RHBDL2: variants seen among roughly 807,000 people sequenced by gnomAD.
RHBDL2 encodes rhomboid like 2, also known as rhomboid-related protein 2.
Under a neutral mutation model 31.7 loss-of-function variants are expected in RHBDL2, and 26 were observed. The ratio of observed to expected loss-of-function variants is 0.82; its 90% CI spans 0.60 to 1.14. RHBDL2 has a LOEUF of 1.14. RHBDL2 is among the 50% of genes most tolerant of loss of function. The pLI is 0.00. For synonymous variants in RHBDL2, 123 were observed against 127.2 expected (o/e 0.97, Z 0.22); for missense variants, 336 against 364.4 (o/e 0.92, Z 0.63).
chr1:38,920,829 A>C (rs1431980472), intron 1 of RHBDL2, among the ~76,000 whole-genome samples: 1 of 147,054 alleles, frequency 6.8e-6, no homozygotes, highest in African/African-American at 2.5e-5. Context: ...GTTAGCCAGG[A>C]TGGTCTCGAT....
At chr1:38,931,057 C>T (rs1643434094) in intron 1 of RHBDL2, among the ~76,000 whole-genome samples, 2 of 152,206 alleles carry the variant, frequency 1.3e-5, no homozygotes, top group African/African-American at 2.4e-5. Flanking sequence ...CCTGGCCTCA[C>T]ATCAGAATCA....
chr1:38,898,648 A>G (rs968999804), intron 4 of RHBDL2, among the ~76,000 whole-genome samples: 1 of 152,214 alleles, frequency 6.6e-6, no homozygotes, highest in Non-Finnish European at 1.5e-5. Context: ...ACAGCGCATG[A>G]AGCAGGAACC....
chr1:38,906,390 A>G (rs1000673089), intron 4 of RHBDL2, among the ~76,000 whole-genome samples: 1 of 152,026 alleles, frequency 6.6e-6, no homozygotes, highest in Non-Finnish European at 1.5e-5. Context: ...AATAACATGC[A>G]CAGGCCGGGC....
chr1:38,930,846 T>G (rs1201224316), intron 1 of RHBDL2, among the ~76,000 whole-genome samples: 1 of 152,214 alleles, frequency 6.6e-6, no homozygotes, highest in Non-Finnish European at 1.5e-5. Flanking sequence ...GTAGAATTTT[T>G]TTTTCAATAG....
chr1:38,919,789 G>A (rs1016094906), intron 1 of RHBDL2, among the ~76,000 whole-genome samples: 10 of 151,942 alleles, frequency 6.6e-5, no homozygotes, highest in African/African-American at 2.4e-4. Flanking sequence ...GGCCAGGCTG[G>A]TCTCGAACTC....
intron 1 of RHBDL2, among the ~76,000 whole-genome samples, chr1:38,922,235 G>T (rs1422480885): frequency 6.6e-6 from 1 of 150,406 alleles, no homozygotes; most frequent in Non-Finnish European, 1.5e-5. Context: ...CACCAAATGA[G>T]CACATTACTA....
intron 6 of RHBDL2, among the ~76,000 whole-genome samples, chr1:38,889,713 T>C (rs186714422): frequency 1.0e-3 from 156 of 152,342 alleles, no homozygotes; most frequent in African/African-American, 3.6e-3. Context: ...CAAAAGGAGC[T>C]TCCGACTTCT....
At position 38,908,610 on chromosome 1, in the gene RHBDL2, G is replaced by A. The variant is rs142507611; in HGVS notation, c.508+2712C>T. On this transcript the variant is annotated intron_variant, in intron 4 of 7. Coordinates refer to ENST00000372990, the MANE Select transcript of RHBDL2 (RefSeq NM_017821.5). ...CCCTTGTCCCCCTCGCAGGGCGTGC[G>A]ATGGGGGTGTTGTTCGCTTCTTCAG... is the stretch of plus-strand genomic sequence containing the variant. 4.3e-3 allele frequency among the ~76,000 whole-genome samples: 656 copies of A among 151,752 alleles called. 7 individuals are homozygous for A. Among genetic ancestry groups the A allele is most frequent in the African/African-American group, 0.015 (618 of 41,328 alleles).
chr1:38,891,260 C>CAAAAA (rs11445131), intron 6 of RHBDL2, among the ~76,000 whole-genome samples: 135 of 78,370 alleles, frequency 1.7e-3, no homozygotes, highest in Non-Finnish European at 2.2e-3. Context: ...GACTCCGTCT[C>CAAAAA]AAAAAAAAAA....
Position 38,929,786 on chromosome 1 carries a change from C to T in RHBDL2, c.-125-10449G>A, listed in dbSNP as rs144161326. ...GAGCTTAGCAGCCTCCTTCATCACA[C>T]TGCAAACCATCATTATGCCAGAGGC... On this transcript the variant is annotated intron_variant, in intron 1 of 7. Transcript: ENST00000372990. Among the ~76,000 whole-genome samples, 144 of 152,296 alleles carry T rather than the reference C, an allele frequency of 9.5e-4. 1 individual carries two copies. The highest frequency in any genetic ancestry group is 3.3e-3 in the African/African-American group (138 of 41,558).
Position 38,933,759 on chromosome 1 carries a change from C to T in RHBDL2, c.-126+7923G>A, listed in dbSNP as rs538878908. On this transcript the variant is annotated intron_variant, in intron 1 of 7. Coordinates refer to ENST00000372990, the MANE Select transcript of RHBDL2 (RefSeq NM_017821.5). ...TTTTTTTTTTTTTGAGACAGAGTCT[C>T]GCTCTGTTGCCCAGGCTGGAGTGCA... 4.7e-5 allele frequency among the ~76,000 whole-genome samples: 7 copies of T among 149,402 alleles called. No homozygotes were observed. In the East Asian group the frequency reaches 9.9e-4, roughly 21 times the overall value.
At chr1:38,929,592 G>C in intron 1 of RHBDL2, 2 of 1,280,196 alleles carry the variant, frequency 1.6e-6, no homozygotes, top group Non-Finnish European at 2.0e-6. Flanking sequence ...GCAGGCCCCT[G>C]CCGGGGCTGA....
intron 4 of RHBDL2, among the ~76,000 whole-genome samples, chr1:38,909,323 C>G (rs2124322877): frequency 6.6e-6 from 1 of 152,284 alleles, no homozygotes; most frequent in East Asian, 1.9e-4. Context: ...CCCTTCCACC[C>G]TTCCGTATCA....
chr1:38,927,438 A>G (rs1643391215), intron 1 of RHBDL2, among the ~76,000 whole-genome samples: 1 of 152,130 alleles, frequency 6.6e-6, no homozygotes, highest in Admixed American at 6.6e-5. Flanking sequence ...AAAAAAAAGA[A>G]AAGAAAAGAG....
At chr1:38,929,232 G>C (rs900126319) in intron 1 of RHBDL2, among the ~76,000 whole-genome samples, 1 of 152,108 alleles carries the variant, frequency 6.6e-6, no homozygotes, top group Admixed American at 6.5e-5. Context: ...ATTCCCGAAC[G>C]GAAGCTGTAG....
rs535401628 is a variant in RHBDL2, at chr1:38,891,311, C to G, written c.670+1853G>C. On this transcript the variant is annotated intron_variant, in intron 6 of 7. Coordinates refer to ENST00000372990, the MANE Select transcript of RHBDL2 (RefSeq NM_017821.5). ...AATATTTACAACTTTATACACATTA[C>G]ATATTACATATTACAAAATTATATA... Among the ~76,000 whole-genome samples, 3 of 148,680 alleles carry G rather than the reference C, an allele frequency of 2.0e-5. No individual in the cohort carries two copies. The South Asian group carries it at 6.5e-4, about 32-fold the overall frequency.
chr1:38,921,239 G>A (rs1166622380), intron 1 of RHBDL2, among the ~76,000 whole-genome samples: 3 of 152,130 alleles, frequency 2.0e-5, no homozygotes, highest in Non-Finnish European at 2.9e-5. Flanking sequence ...AAAATTAGCT[G>A]GGCATAGTGG....
intron 2 of RHBDL2, among the ~76,000 whole-genome samples, chr1:38,916,056 C>G (rs908762830): frequency 6.6e-6 from 1 of 152,192 alleles, no homozygotes; most frequent in Non-Finnish European, 1.5e-5. Context: ...ACTGATCTTT[C>G]ATTTACAACT....
intron 4 of RHBDL2, among the ~76,000 whole-genome samples, chr1:38,903,578 C>A (rs1272227461): frequency 6.6e-6 from 1 of 152,074 alleles, no homozygotes; most frequent in Non-Finnish European, 1.5e-5. Flanking sequence ...TTTGAAAGAC[C>A]TAAATACACA....
Sources: allele counts gnomAD v4.1 joint callset (sites outside exome capture counted in the v4.1 genomes callset), GRCh38; gene constraint gnomAD v4.1.1; transcripts MANE v1.5; gene names NCBI Gene and HGNC (gene_info 2026-07-23, HGNC 2026-07-21).